The following HPSE2 variants were observed in gnomAD, a reference collection of about 807,000 sequenced individuals.
HPSE2 encodes inactive heparanase-2.
HPSE2 carries 38 observed loss-of-function variants against 60.5 expected under a neutral mutation model. The ratio of observed to expected loss-of-function variants is 0.63; its 90% confidence interval spans 0.48 to 0.82. The LOEUF (loss-of-function observed/expected upper bound fraction) is 0.82. Ranked by LOEUF, HPSE2 falls within the 40% of genes least tolerant of loss-of-function variation. The pLI is 0.00. For synonymous variants in HPSE2, 295 were observed against 293.2 expected (o/e 1.01, Z -0.06); for missense variants, 713 against 740.4 (o/e 0.96, Z 0.43).
chr10:98,485,348 T>C (rs565918672), intron 10 of HPSE2, among the ~76,000 whole-genome samples: 15 of 152,322 alleles, frequency 9.8e-5, no homozygotes, highest in African/African-American at 3.6e-4. Flanking sequence ...AGAAGATTTT[T>C]TTTGCATCTG....
At chr10:99,259,293 C>CA in the HPSE2 span, among the ~76,000 whole-genome samples, 1 of 95,328 alleles carries the variant, frequency 1.0e-5, no homozygotes, top group Non-Finnish European at 2.1e-5. Context: ...GCAACAAGAG[C>CA]AAAACCCCCC....
intron 3 of HPSE2, among the ~76,000 whole-genome samples, chr10:99,061,170 G>A (rs796498985): frequency 2.0e-5 from 3 of 152,224 alleles, no homozygotes; most frequent in South Asian, 4.2e-4. Flanking sequence ...GGTTTACAGA[G>A]GACCATGGTC....
intron 3 of HPSE2, among the ~76,000 whole-genome samples, chr10:98,996,991 T>C (rs1956655378): frequency 6.6e-6 from 1 of 152,170 alleles, no homozygotes; most frequent in Non-Finnish European, 1.5e-5. Flanking sequence ...ACTTAGGACC[T>C]TTACACTTCA....
chr10:98,983,530 C>A (rs1160580396), intron 3 of HPSE2, among the ~76,000 whole-genome samples: 1 of 152,218 alleles, frequency 6.6e-6, no homozygotes, highest in East Asian at 1.9e-4. Context: ...TTAAGGCCAC[C>A]ATCATTTGCG....
At position 99,222,428 on chromosome 10, in the gene HPSE2, C is replaced by G. The variant is rs150011442; in HGVS notation, c.448+9920G>C. Among the ~76,000 whole-genome samples, 781 of 152,268 alleles carry G rather than the reference C, an allele frequency of 5.1e-3. 9 individuals carry two copies. The highest frequency in any genetic ancestry group is 0.018 in the African/African-American group (745 of 41,562). On this transcript the variant is annotated intron_variant, in intron 2 of 11. Coordinates refer to ENST00000370552, the MANE Select transcript of HPSE2 (RefSeq NM_021828.5). ...CAAAGAAGTATGAAGAAAAGGCTTT[C>G]TTGAAATCTCACCTTTATCAATTCC...
upstream of HPSE2, among the ~76,000 whole-genome samples, chr10:99,240,062 G>T (rs755458049): frequency 1.3e-5 from 2 of 151,940 alleles, no homozygotes; most frequent in Non-Finnish European, 2.9e-5. Flanking sequence ...GGTGGTGGGT[G>T]CCTGTAATCC....
At chr10:98,679,923 C>T (rs1397888410) in intron 6 of HPSE2, among the ~76,000 whole-genome samples, 1 of 152,092 alleles carries the variant, frequency 6.6e-6, no homozygotes, top group Non-Finnish European at 1.5e-5. Flanking sequence ...AATTCTCCTG[C>T]CACAGCCTCC....
intron 6 of HPSE2, among the ~76,000 whole-genome samples, chr10:98,651,824 G>C (rs1946924908): frequency 6.6e-6 from 1 of 151,070 alleles, no homozygotes; most frequent in Admixed American, 6.6e-5. Context: ...CCAGGCTGGA[G>C]TGCAGTGGTG....
chr10:98,721,060 ATCTC>A (rs1490179617), intron 5 of HPSE2, among the ~76,000 whole-genome samples: 1 of 151,696 alleles, frequency 6.6e-6, no homozygotes, highest in Non-Finnish European at 1.5e-5. Context: ...AGAGAGATAA[ATCTC>A]TATTTTTTTT....
chr10:98,525,348 T>C (rs887480999), intron 9 of HPSE2, among the ~76,000 whole-genome samples: 1 of 152,242 alleles, frequency 6.6e-6, no homozygotes, highest in African/African-American at 2.4e-5. Flanking sequence ...CCGCATTTCA[T>C]GGCCCATTTA....
At position 99,126,908 on chromosome 10, in the gene HPSE2, A is replaced by C. The variant is rs898341531; in HGVS notation, c.610+17330T>G. Among the ~76,000 whole-genome samples the C allele has an allele frequency of 6.6e-6, 1 of 152,160 alleles. No homozygotes were observed. On this transcript the variant is annotated intron_variant, in intron 3 of 11. Transcript: ENST00000370552. The surrounding 1 kb of genome is among the most constrained non-coding windows in gnomAD (Gnocchi z 4.0). ...CCAGAAGGGCAATAATGATCATTGC[A>C]GTCTGGCTCCCAGAAAGCCCCATCC...
At chr10:98,605,246 T>G (rs528233303) in intron 9 of HPSE2, among the ~76,000 whole-genome samples, 1 of 152,310 alleles carries the variant, frequency 6.6e-6, no homozygotes, top group South Asian at 2.1e-4. Context: ...GCACCTTATG[T>G]TAGGCTCTGG....
chr10:99,153,108 C>G, intron 2 of HPSE2, among the ~76,000 whole-genome samples: 1 of 152,340 alleles, frequency 6.6e-6, no homozygotes, highest in Admixed American at 6.5e-5. Flanking sequence ...CCTACGCCCA[C>G]GGAGTCTCGC....
intron 9 of HPSE2, among the ~76,000 whole-genome samples, chr10:98,580,357 C>CTGTTTTCTT (rs1564985172): frequency 6.6e-6 from 1 of 151,210 alleles, no homozygotes; most frequent in African/African-American, 2.4e-5. Context: ...TTTCTCTCCT[C>CTGTTTTCTT]TGTTCTCTCC....
chr10:99,014,161 C>G (rs529610338), intron 3 of HPSE2, among the ~76,000 whole-genome samples: 2 of 152,250 alleles, frequency 1.3e-5, no homozygotes, highest in Admixed American at 6.5e-5. Flanking sequence ...ACACACTCAC[C>G]TGGCTCGTGG....
At chr10:98,777,804 A>G (rs1047697829) in intron 3 of HPSE2, among the ~76,000 whole-genome samples, 1 of 152,084 alleles carries the variant, frequency 6.6e-6, no homozygotes, top group Non-Finnish European at 1.5e-5. Context: ...TTATGCCCTA[A>G]GCTACAGCCA....
intron 9 of HPSE2, among the ~76,000 whole-genome samples, chr10:98,564,295 C>T (rs1322873950): frequency 2.6e-5 from 4 of 152,192 alleles, no homozygotes; most frequent in Non-Finnish European, 4.4e-5. Context: ...TTAACTTGAG[C>T]AAGTTCCTTT....
intron 3 of HPSE2, among the ~76,000 whole-genome samples, chr10:98,940,300 T>C (rs1427823347): frequency 1.4e-5 from 2 of 143,720 alleles, no homozygotes; most frequent in Non-Finnish European, 3.0e-5. Context: ...AGGAGCTGGT[T>C]TTTTGAAAGG....
intron 3 of HPSE2, among the ~76,000 whole-genome samples, chr10:99,084,240 T>C (rs779613201): frequency 6.6e-6 from 1 of 152,162 alleles, no homozygotes; most frequent in Non-Finnish European, 1.5e-5. Context: ...CATTTGCTTT[T>C]CTTGGTAACC....
Sources: gnomAD v4.1 joint callset for allele counts (sites outside exome capture counted in the v4.1 genomes callset) on GRCh38, gnomAD v4.1.1 for gene constraint, Gnocchi (gnomAD v3.1) non-coding constraint, MANE v1.5 for transcripts, NCBI Gene and HGNC (gene_info 2026-07-23, HGNC 2026-07-21) for gene names.